Variants in PREX1 observed in about 807,000 individuals in gnomAD.
PREX1 encodes the protein phosphatidylinositol 3,4,5-trisphosphate-dependent Rac exchanger 1 protein.
In PREX1, 41 loss-of-function variants were observed where a neutral mutation model predicts 198.3. That is an observed-to-expected ratio of 0.21 (90% confidence interval 0.16 to 0.27). The LOEUF (loss-of-function observed/expected upper bound fraction) is 0.27. PREX1 is among the 10% of genes least tolerant of loss of function. The probability of loss-of-function intolerance (pLI) is 1.00; values close to 1 mark genes in which losing one functional copy is unlikely to be tolerated. For synonymous variants in PREX1, 843 were observed against 887.2 expected (o/e 0.95, Z 0.89); for missense variants, 1,620 against 2,200.7 (o/e 0.74, Z 5.28).
chr20:48,757,056 GA>G (rs1670984533), intron 1 of PREX1, among the ~76,000 whole-genome samples: 1 of 152,112 alleles, frequency 6.6e-6, no homozygotes, highest in Non-Finnish European at 1.5e-5. Context: ...TCCCTCCCAT[GA>G]CACATGGGAA....
At chr20:48,740,374 C>T (rs1258889803) in intron 3 of PREX1, among the ~76,000 whole-genome samples, 3 of 152,240 alleles carry the variant, frequency 2.0e-5, no homozygotes, top group Non-Finnish European at 2.9e-5. Flanking sequence ...TCTCCTAGAG[C>T]TGCCTTCAGC....
chr20:48,800,996 G>A (rs2090384140), intron 1 of PREX1, among the ~76,000 whole-genome samples: 1 of 152,086 alleles, frequency 6.6e-6, no homozygotes, highest in African/African-American at 2.4e-5. Flanking sequence ...AGATATGTTA[G>A]CTTAAAATCT....
At chr20:48,764,524 T>G (rs1202751945) in intron 1 of PREX1, among the ~76,000 whole-genome samples, 1 of 152,092 alleles carries the variant, frequency 6.6e-6, no homozygotes, top group African/African-American at 2.4e-5. Context: ...GGCTGAAGCC[T>G]ATAATCCCAG....
chr20:48,664,387 A>AG (rs1555833084), intron 15 of PREX1, among the ~76,000 whole-genome samples: 4 of 151,548 alleles, frequency 2.6e-5, no homozygotes, highest in Admixed American at 1.3e-4. Context: ...AAAAAAAAAA[A>AG]AGAGAGAGAA....
At chr20:48,639,086 G>A (rs1488904156) in intron 30 of PREX1, among the ~76,000 whole-genome samples, 1 of 152,244 alleles carries the variant, frequency 6.6e-6, no homozygotes, top group Non-Finnish European at 1.5e-5. Flanking sequence ...AGTCTCAGAC[G>A]CAAATGCCGG....
intron 33 of PREX1, among the ~76,000 whole-genome samples, chr20:48,633,323 G>A (rs1388259626): frequency 1.3e-5 from 2 of 152,220 alleles, no homozygotes; most frequent in Non-Finnish European, 1.5e-5. Flanking sequence ...GTGGGAAGGA[G>A]AATGAAAACA....
At chr20:48,710,361 T>G (rs1274722000) in intron 5 of PREX1, among the ~76,000 whole-genome samples, 1 of 152,208 alleles carries the variant, frequency 6.6e-6, no homozygotes, top group Non-Finnish European at 1.5e-5. Flanking sequence ...GAGCTCATGG[T>G]CAAGAGTAGA....
intron 1 of PREX1, among the ~76,000 whole-genome samples, chr20:48,790,328 C>T (rs1009807978): frequency 6.6e-6 from 1 of 152,130 alleles, no homozygotes; most frequent in Non-Finnish European, 1.5e-5. Context: ...CTAACCACCT[C>T]TCTATTTCAG....
intron 9 of PREX1, among the ~76,000 whole-genome samples, chr20:48,690,110 C>G (rs117910750): frequency 6.6e-6 from 1 of 151,910 alleles, no homozygotes; most frequent in East Asian, 1.9e-4. Flanking sequence ...GGCAGAAGGC[C>G]GGGGGAAATG....
At chr20:48,839,573 G>A in the PREX1 span, among the ~76,000 whole-genome samples, 1 of 152,168 alleles carries the variant, frequency 6.6e-6, no homozygotes, top group Non-Finnish European at 1.5e-5. Flanking sequence ...GCTCTTTGTA[G>A]ATACAACTCC....
chr20:48,833,854 C>T, the PREX1 span, among the ~76,000 whole-genome samples: 3 of 152,100 alleles, frequency 2.0e-5, no homozygotes, highest in South Asian at 2.1e-4. Flanking sequence ...GAGGCCGAGA[C>T]GGGCGGATAG....
intron 4 of PREX1, among the ~76,000 whole-genome samples, chr20:48,728,415 G>A (rs2090019093): frequency 6.6e-6 from 1 of 152,234 alleles, no homozygotes; most frequent in Non-Finnish European, 1.5e-5. Context: ...AAGTCTCAGA[G>A]CTACTTCCAC....
chr20:48,870,008 A>G, the PREX1 span, among the ~76,000 whole-genome samples: 1 of 152,224 alleles, frequency 6.6e-6, no homozygotes, highest in Non-Finnish European at 1.5e-5. Flanking sequence ...CTTAACGTAA[A>G]ATTAAAAAGT....
At chr20:48,863,410 C>T in the PREX1 span, among the ~76,000 whole-genome samples, 4 of 151,950 alleles carry the variant, frequency 2.6e-5, no homozygotes, top group Non-Finnish European at 5.9e-5. Flanking sequence ...AGTTTCACTG[C>T]CCTAAAATTC....
chr20:48,724,771 G>A (rs2090002279), intron 5 of PREX1, among the ~76,000 whole-genome samples: 1 of 152,238 alleles, frequency 6.6e-6, no homozygotes, highest in African/African-American at 2.4e-5. Flanking sequence ...GCTAATCCAA[G>A]TTCGAAAGAC....
chr20:48,833,706 T>C, the PREX1 span, among the ~76,000 whole-genome samples: 1 of 152,154 alleles, frequency 6.6e-6, no homozygotes, highest in African/African-American at 2.4e-5. Context: ...CCTCCCAAAA[T>C]GCTGGGATTA....
At chr20:48,652,954 A>T (rs1366731953) in intron 20 of PREX1, among the ~76,000 whole-genome samples, 1 of 152,178 alleles carries the variant, frequency 6.6e-6, no homozygotes, top group East Asian at 1.9e-4. Flanking sequence ...TGCCTGGTGC[A>T]CAGCAGGTGC....
At chr20:48,789,487 T>C (rs1007402941) in intron 1 of PREX1, among the ~76,000 whole-genome samples, 1 of 152,226 alleles carries the variant, frequency 6.6e-6, no homozygotes, top group African/African-American at 2.4e-5. Context: ...GCAGTGGGTA[T>C]CATTAGTCTC....
the PREX1 span, among the ~76,000 whole-genome samples, chr20:48,839,916 G>A: frequency 7.9e-5 from 12 of 152,130 alleles, no homozygotes; most frequent in East Asian, 9.6e-4. Flanking sequence ...ACTACTGATC[G>A]CTAACAGTCA....
Sources: gnomAD v4.1 joint callset for allele counts (sites outside exome capture counted in the v4.1 genomes callset) on GRCh38, gnomAD v4.1.1 for gene constraint, MANE v1.5 for transcripts, NCBI Gene and HGNC (gene_info 2026-07-23, HGNC 2026-07-21) for gene names.